Variants in PCBP3 observed in about 807,000 individuals in gnomAD.
PCBP3 encodes poly(rC) binding protein 3, also known as poly(rC)-binding protein 3.
A neutral mutation model predicts 52.7 loss-of-function variants in PCBP3; 25 were observed. The ratio of observed to expected loss-of-function variants is 0.47; its 90% CI spans 0.35 to 0.66. The LOEUF is 0.66. Ranked by LOEUF, PCBP3 falls within the 30% of genes least tolerant of loss-of-function variation. PCBP3 has a pLI of 0.01. For missense variants in PCBP3, 391 were observed against 490.3 expected, an observed-to-expected ratio of 0.80 and a Z score of 1.91; for synonymous variants, 162 against 183.0, an observed-to-expected ratio of 0.89 and a Z score of 0.93.
chr21:45,656,979 G>A lies in PCBP3; in HGVS notation c.-278-11895G>A, dbSNP rs573940318. On this transcript the variant is annotated intron_variant, in intron 1 of 17. Coordinates refer to ENST00000681687, the MANE Select transcript of PCBP3 (RefSeq NM_001384156.1). The surrounding 1 kb of genome is among the most constrained non-coding windows in gnomAD (Gnocchi z 4.3). ...TGGGACTACAGGTGCCCGCCACTGC[G>A]CCTGGCTAATTTTTTGTATTTTTAG... is the stretch of plus-strand genomic sequence containing the variant. Among the ~76,000 whole-genome samples, 4 of 151,982 alleles carry A rather than the reference G, an allele frequency of 2.6e-5. No homozygotes were observed. Among genetic ancestry groups the A allele is most frequent in the Non-Finnish European group, 5.9e-5 (4 of 67,998 alleles).
In PCBP3 at chr21:45,821,722, T is replaced by C. The variant is rs2093145603; in HGVS notation, c.-125-28239T>C. On this transcript the variant is annotated intron_variant, in intron 4 of 17. Transcript: ENST00000681687. This position sits in a 1 kb window ranked among gnomAD's most constrained non-coding sequence, Gnocchi z 4.4. ...TGCTCCCTTCCCTGCTCTTGTCACT[T>C]CTTGCTGGTGCTCTGTGGCTGTCAT... 6.6e-6 allele frequency among the ~76,000 whole-genome samples: 1 copy of C among 152,158 alleles called. No individual in the cohort carries two copies. Among genetic ancestry groups the C allele is most frequent in the Non-Finnish European group, 1.5e-5 (1 of 68,032 alleles).
intron 4 of PCBP3, among the ~76,000 whole-genome samples, chr21:45,784,537 T>C (rs2090947052): frequency 6.6e-6 from 1 of 152,174 alleles, no homozygotes; most frequent in South Asian, 2.1e-4. Flanking sequence ...ACTGCTGCCA[T>C]CTCGGCTCAC....
chr21:45,740,108 C>T (rs1180962131), intron 3 of PCBP3, among the ~76,000 whole-genome samples: 1 of 147,106 alleles, frequency 6.8e-6, no homozygotes, highest in Non-Finnish European at 1.5e-5. Flanking sequence ...GGCGTCTATG[C>T]CTCAGAGTTA....
chr21:45,814,803 G>C (rs1603441770), intron 4 of PCBP3, among the ~76,000 whole-genome samples: 4 of 134,812 alleles, frequency 3.0e-5, no homozygotes, highest in Non-Finnish European at 3.2e-5. Context: ...TGAGTGGTGA[G>C]TGGTGAGTGA....
chr21:45,817,704 C>T lies in PCBP3; in HGVS notation c.-125-32257C>T, dbSNP rs925030315. 6.6e-6 allele frequency among the ~76,000 whole-genome samples: 1 copy of T among 152,160 alleles called. No individual in the cohort carries two copies. Among genetic ancestry groups the T allele is most frequent in the African/African-American group, 2.4e-5 (1 of 41,430 alleles). On this transcript the variant is annotated intron_variant, in intron 4 of 17. Transcript: ENST00000681687. This position sits in a 1 kb window ranked among gnomAD's most constrained non-coding sequence, Gnocchi z 4.3. ...GTCCTGCACCCTGCTGTGCAATGCTCGAACACACTTGCTTCTTATTTCTGT... is the reference window on the plus strand; with the variant it reads ...GTCCTGCACCCTGCTGTGCAATGCTTGAACACACTTGCTTCTTATTTCTGT...
intron 5 of PCBP3, among the ~76,000 whole-genome samples, chr21:45,868,307 A>G (rs953450866): frequency 2.0e-5 from 3 of 152,068 alleles, no homozygotes; most frequent in Admixed American, 1.3e-4. Context: ...TCAGAGCCCC[A>G]GGGTCCTGCC....
chr21:45,824,671 G>A (rs1485839275), intron 4 of PCBP3, among the ~76,000 whole-genome samples: 1 of 152,190 alleles, frequency 6.6e-6, no homozygotes, highest in Non-Finnish European at 1.5e-5. Flanking sequence ...CTGAGGGTCT[G>A]CATGGACTCA....
At position 45,844,909 on chromosome 21, in the gene PCBP3, C is replaced by T. The variant is rs989933393; in HGVS notation, c.-125-5052C>T. The stretch of plus-strand genomic sequence containing the variant: ...TACGTATATAAAGTTTATATATATG[C>T]TTTATTTATATATATAGTTTACATA... On this transcript the variant is annotated intron_variant, in intron 4 of 17. Transcript: ENST00000681687. Among the ~76,000 whole-genome samples the T allele has an allele frequency of 4.7e-5, 7 of 148,914 alleles. No homozygotes were observed. In the South Asian group the frequency reaches 1.5e-3, roughly 31 times the overall value.
intron 5 of PCBP3, among the ~76,000 whole-genome samples, chr21:45,866,271 G>C (rs543150504): frequency 6.6e-6 from 1 of 152,226 alleles, no homozygotes; most frequent in African/African-American, 2.4e-5. Context: ...GGCACAGCCT[G>C]TGCTGTTCAG....
intron 2 of PCBP3, among the ~76,000 whole-genome samples, chr21:45,718,863 A>G (rs1256039704): frequency 6.6e-6 from 1 of 152,220 alleles, no homozygotes; most frequent in Non-Finnish European, 1.5e-5. Context: ...AGGATATTTT[A>G]TGAAAATTGA....
At position 45,790,112 on chromosome 21, in the gene PCBP3, C is replaced by A. The variant is rs201819530; in HGVS notation, c.-126+34660C>A. Among the ~76,000 whole-genome samples the A allele has an allele frequency of 1.8e-4, 27 of 152,234 alleles. No individual in the cohort carries two copies. The East Asian group carries it at 3.3e-3, about 19-fold the overall frequency. On this transcript the variant is annotated intron_variant, in intron 4 of 17. Transcript: ENST00000681687. ...CCGAGATCTCGCCACTGCACTCCAG[C>A]TTGGGCGACTGAGTGAGACTCCGTC...
intron 13 of PCBP3, among the ~76,000 whole-genome samples, chr21:45,929,257 G>A (rs3788235): frequency 0.057 from 8,628 of 152,256 alleles, 609 homozygotes; most frequent in African/African-American, 0.16. Flanking sequence ...AGGGCCCGAG[G>A]CGTCCCTCCC....
chr21:45,667,586 A>G (rs778872829), intron 1 of PCBP3, among the ~76,000 whole-genome samples: 1 of 152,004 alleles, frequency 6.6e-6, no homozygotes, highest in East Asian at 1.9e-4. Flanking sequence ...CCATTCTTTA[A>G]TCCTTTAGAC....
intron 4 of PCBP3, among the ~76,000 whole-genome samples, chr21:45,807,753 A>C (rs1435750052): frequency 1.3e-5 from 2 of 150,718 alleles, no homozygotes; most frequent in Non-Finnish European, 2.9e-5. Context: ...AAAAACAAAA[A>C]CAAAACAAAA....
intron 5 of PCBP3, among the ~76,000 whole-genome samples, chr21:45,885,912 T>A (rs2095505893): frequency 6.6e-6 from 1 of 152,262 alleles, no homozygotes; most frequent in Non-Finnish European, 1.5e-5. Flanking sequence ...TTTGGGTTCT[T>A]TGTATAACAG....
At chr21:45,845,323 G>C (rs2093784467) in intron 4 of PCBP3, among the ~76,000 whole-genome samples, 1 of 152,266 alleles carries the variant, frequency 6.6e-6, no homozygotes, top group Non-Finnish European at 1.5e-5. Flanking sequence ...TGGTGAAGCT[G>C]AAACCATTTC....
intron 2 of PCBP3, among the ~76,000 whole-genome samples, chr21:45,725,657 GC>G (rs2084972247): frequency 6.6e-6 from 1 of 152,196 alleles, no homozygotes; most frequent in Non-Finnish European, 1.5e-5. Context: ...TGGAGGGAGG[GC>G]CCACAACCAA....
At chr21:45,671,744 A>G (rs1161859085) in intron 2 of PCBP3, among the ~76,000 whole-genome samples, 2 of 152,184 alleles carry the variant, frequency 1.3e-5, no homozygotes, top group African/African-American at 4.8e-5. Context: ...TCTTATCTAC[A>G]AGGAGGTTAG....
At chr21:45,785,464 TG>T (rs1367574044) in intron 4 of PCBP3, among the ~76,000 whole-genome samples, 1 of 94,290 alleles carries the variant, frequency 1.1e-5, no homozygotes, top group Admixed American at 1.2e-4. Context: ...TGGGAGGAGG[TG>T]GGGGGGTCAG....
Sources: allele counts gnomAD v4.1 joint callset (sites outside exome capture counted in the v4.1 genomes callset), GRCh38; gene constraint gnomAD v4.1.1; non-coding constraint Gnocchi (gnomAD v3.1); transcripts MANE v1.5; gene names NCBI Gene and HGNC (gene_info 2026-07-23, HGNC 2026-07-21).